ITGBL1: variants seen among roughly 807,000 people sequenced by gnomAD.
The protein encoded by ITGBL1 is integrin subunit beta like 1.
A neutral mutation model predicts 68.5 loss-of-function variants in ITGBL1; 51 were observed. The observed-to-expected ratio is 0.74, with a 90% confidence interval of 0.59 to 0.94. The LOEUF (loss-of-function observed/expected upper bound fraction) is 0.94. Among genes scored for constraint, ITGBL1 ranks in the 40% least tolerant of loss-of-function variants. ITGBL1 has a pLI of 0.00. For missense variants in ITGBL1, 649 were observed against 647.4 expected (o/e 1.00, Z -0.03); for synonymous variants, 209 against 227.3 (o/e 0.92, Z 0.72).
chr13:101,512,774 G>A (rs763294030), intron 2 of ITGBL1, among the ~76,000 whole-genome samples: 2 of 152,122 alleles, frequency 1.3e-5, no homozygotes, highest in Non-Finnish European at 2.9e-5. Context: ...AAGTCAATCT[G>A]CATGCTAAAG....
intron 8 of ITGBL1, among the ~76,000 whole-genome samples, chr13:101,704,268 T>C (rs2034202879): frequency 6.6e-6 from 1 of 151,998 alleles, no homozygotes; most frequent in African/African-American, 2.4e-5. Flanking sequence ...TATGTAGCTC[T>C]GGAGGTATTA....
chr13:101,566,756 T>G (rs77227260), intron 2 of ITGBL1, among the ~76,000 whole-genome samples: 28 of 152,148 alleles, frequency 1.8e-4, no homozygotes, highest in Non-Finnish European at 3.5e-4. Context: ...TTGTCTTGAG[T>G]AATATATGTA....
chr13:101,456,574 A>G (rs998491984), intron 2 of ITGBL1, among the ~76,000 whole-genome samples: 5 of 152,220 alleles, frequency 3.3e-5, no homozygotes, highest in African/African-American at 4.8e-5. Context: ...TTCTAAGAAG[A>G]AAACAAAATC....
At chr13:101,485,159 G>T (rs1170632720) in intron 2 of ITGBL1, among the ~76,000 whole-genome samples, 1 of 152,062 alleles carries the variant, frequency 6.6e-6, no homozygotes, top group Non-Finnish European at 1.5e-5. Flanking sequence ...ACTTTTTTCA[G>T]GCTTACAAAA....
At chr13:101,692,822 T>A (rs1294483675) in intron 8 of ITGBL1, 121 bp downstream of exon 8, 2 of 722,794 alleles carry the variant, frequency 2.8e-6, no homozygotes, top group South Asian at 1.6e-5. Context: ...GAAAGCAATA[T>A]ACCATTGAAC....
At chr13:101,650,338 T>C (rs1173072149) in intron 7 of ITGBL1, among the ~76,000 whole-genome samples, 1 of 152,148 alleles carries the variant, frequency 6.6e-6, no homozygotes, top group African/African-American at 2.4e-5. Flanking sequence ...GGAGATGATA[T>C]ACATTTTTTT....
At chr13:101,596,310 A>G (rs1200379658) in intron 6 of ITGBL1, among the ~76,000 whole-genome samples, 1 of 152,200 alleles carries the variant, frequency 6.6e-6, no homozygotes, top group Non-Finnish European at 1.5e-5. Context: ...GACTTTGCAT[A>G]CAAACTTTCA....
chr13:101,488,265 A>T (rs1284065965), intron 2 of ITGBL1, among the ~76,000 whole-genome samples: 1 of 152,188 alleles, frequency 6.6e-6, no homozygotes, highest in Non-Finnish European at 1.5e-5. Flanking sequence ...TTTCAGAGCA[A>T]TCTGTTCATC....
intron 2 of ITGBL1, among the ~76,000 whole-genome samples, chr13:101,467,187 G>T (rs75717121): frequency 6.6e-6 from 1 of 152,082 alleles, no homozygotes. Flanking sequence ...TTGGGGATTA[G>T]GTTCCAAAAT....
chr13:101,706,902 G>A lies in ITGBL1; in HGVS notation c.1279G>A (p.Gly427Ser). 6.2e-7 allele frequency: 1 copy of A among 1,613,428 alleles called. No individual in the cohort carries two copies. The highest frequency in any genetic ancestry group is 1.7e-4 in the Middle Eastern group (1 of 6,056). Residue 427 changes from glycine (G) to serine (S), a missense_variant and splice_region_variant, in exon 9 of 11, where the codon GGT becomes AGT. Gly to Ser is a moderately conservative substitution (Grantham distance 56). Coordinates refer to ENST00000376180, the MANE Select transcript of ITGBL1 (RefSeq NM_004791.3). ...AGATGGCATATTGTGCTCGGGGAAG[G>A]GTGAGTATCTCTGCTGGTGCCTGGA... ...SADGILCSGK[G>S]SCHCGKCICS...
At chr13:101,498,363 A>G (rs887309684) in intron 2 of ITGBL1, among the ~76,000 whole-genome samples, 1 of 152,220 alleles carries the variant, frequency 6.6e-6, no homozygotes, top group Non-Finnish European at 1.5e-5. Context: ...ATAATCTTCC[A>G]TAATGATTTG....
intron 2 of ITGBL1, among the ~76,000 whole-genome samples, chr13:101,535,767 T>G (rs1004032140): frequency 1.3e-5 from 2 of 152,096 alleles, no homozygotes; most frequent in African/African-American, 4.8e-5. Flanking sequence ...CAAAAACTTT[T>G]GCGAAGAGTC....
At chr13:101,488,811 C>T (rs761265635) in intron 2 of ITGBL1, among the ~76,000 whole-genome samples, 8 of 152,084 alleles carry the variant, frequency 5.3e-5, no homozygotes, top group Non-Finnish European at 8.8e-5. Flanking sequence ...AGATTAAAGC[C>T]ATGCCAATAT....
chr13:101,659,855 G>T (rs2033036926), intron 7 of ITGBL1, among the ~76,000 whole-genome samples: 1 of 152,166 alleles, frequency 6.6e-6, no homozygotes, highest in Non-Finnish European at 1.5e-5. Context: ...CTCTGGGGAA[G>T]GAGAGGGTAA....
chr13:101,485,778 C>T (rs9557676), intron 2 of ITGBL1, among the ~76,000 whole-genome samples: 28,560 of 151,630 alleles, frequency 0.19, 3,175 homozygotes, highest in East Asian at 0.47. Flanking sequence ...GTCAACAGCG[C>T]GAGACTCTGT....
Position 101,706,836 on chromosome 13 carries a change from A to C in ITGBL1, c.1213A>C (p.Asn405His). The C allele has an allele frequency of 1.2e-6, 2 of 1,614,208 alleles. No individual in the cohort carries two copies. The highest frequency in any genetic ancestry group is 1.7e-6 in the Non-Finnish European group (2 of 1,180,024). ...GKLCQHPRKC[N>H]MTEEQSKNLC... is the part of the protein sequence containing the mutation. ...GCTCTGCCAACATCCGCGGAAGTGT[A>C]ACATGACGGAAGAACAAAGCAAGAA... The change falls in exon 9 of 11, where the codon AAC becomes CAC. Residue 405 changes from asparagine (N) to histidine (H), a missense_variant. By Grantham distance (68) the Asn-to-His change is moderately conservative. Coordinates refer to ENST00000376180, the MANE Select transcript of ITGBL1 (RefSeq NM_004791.3).
intron 7 of ITGBL1, among the ~76,000 whole-genome samples, chr13:101,663,637 T>A (rs1285163957): frequency 6.6e-6 from 1 of 152,176 alleles, no homozygotes; most frequent in African/African-American, 2.4e-5. Flanking sequence ...TTGACTGTCA[T>A]ACAAGGTTTC....
chr13:101,578,398 A>C (rs1288290153), intron 4 of ITGBL1, among the ~76,000 whole-genome samples: 1 of 152,226 alleles, frequency 6.6e-6, no homozygotes, highest in Non-Finnish European at 1.5e-5. Context: ...GACTAAAAAC[A>C]AAACAAGAAC....
chr13:101,670,449 T>G (rs1053961627), intron 7 of ITGBL1, among the ~76,000 whole-genome samples: 2 of 152,238 alleles, frequency 1.3e-5, no homozygotes, highest in Non-Finnish European at 2.9e-5. Context: ...CCCTATGCTT[T>G]ATGTTGTCTT....
Sources: gnomAD v4.1 joint callset for allele counts (sites outside exome capture counted in the v4.1 genomes callset) on GRCh38, gnomAD v4.1.1 for gene constraint, MANE v1.5 for transcripts, NCBI Gene and HGNC (gene_info 2026-07-23, HGNC 2026-07-21) for gene names.